MEDAG: variants seen among roughly 807,000 people sequenced by gnomAD.
MEDAG encodes mesenteric estrogen dependent adipogenesis.
MEDAG carries 25 observed loss-of-function variants against 29.9 expected under a neutral mutation model. That is an observed-to-expected ratio of 0.84 (90% CI 0.61 to 1.17). MEDAG has a LOEUF of 1.17. MEDAG is among the 50% of genes most tolerant of loss of function. The probability of loss-of-function intolerance (pLI) is 0.00; values close to 1 mark genes in which losing one functional copy is unlikely to be tolerated. For synonymous variants in MEDAG, 158 were observed against 148.2 expected (o/e 1.07, Z -0.48); for missense variants, 398 against 372.9 (o/e 1.07, Z -0.56).
chr13:30,906,825 C>A, intron 1 of MEDAG, 32 bp downstream of exon 1: 1 of 1,428,796 alleles, frequency 7.0e-7, no homozygotes, highest in South Asian at 1.5e-5. Flanking sequence ...CCTGGCCCGT[C>A]GCCTGGTACC....
intron 1 of MEDAG, among the ~76,000 whole-genome samples, chr13:30,909,824 G>GT (rs1952864796): frequency 6.6e-6 from 1 of 152,110 alleles, no homozygotes; most frequent in Non-Finnish European, 1.5e-5. Flanking sequence ...TGACTTTCAG[G>GT]TTATTCACTC....
At chr13:30,914,364 C>A (rs1470456779) in intron 1 of MEDAG, among the ~76,000 whole-genome samples, 1 of 152,178 alleles carries the variant, frequency 6.6e-6, no homozygotes, top group Non-Finnish European at 1.5e-5. Context: ...AATCTCTTGT[C>A]TGTAAGTTCT....
intron 2 of MEDAG, among the ~76,000 whole-genome samples, chr13:30,920,646 A>C (rs1357658916): frequency 2.0e-5 from 3 of 152,076 alleles, no homozygotes; most frequent in African/African-American, 7.2e-5. Context: ...AAAACCAGCT[A>C]TCTCGATCTT....
At chr13:30,913,363 G>A (rs1269324460) in intron 1 of MEDAG, among the ~76,000 whole-genome samples, 1 of 152,092 alleles carries the variant, frequency 6.6e-6, no homozygotes, top group Non-Finnish European at 1.5e-5. Flanking sequence ...GTATAGGCAT[G>A]CACCACCACA....
At chr13:30,909,320 A>T (rs1952860498) in intron 1 of MEDAG, among the ~76,000 whole-genome samples, 2 of 151,996 alleles carry the variant, frequency 1.3e-5, no homozygotes. Flanking sequence ...GACCGGTTTC[A>T]CTTTGCCTTG....
intron 1 of MEDAG, among the ~76,000 whole-genome samples, chr13:30,912,449 C>G (rs1952890536): frequency 6.6e-6 from 1 of 152,082 alleles, no homozygotes; most frequent in Non-Finnish European, 1.5e-5. Flanking sequence ...CCTACACAGA[C>G]TATTGCACTG....
intron 1 of MEDAG, among the ~76,000 whole-genome samples, chr13:30,909,779 C>G (rs1194990202): frequency 6.6e-6 from 1 of 152,116 alleles, no homozygotes; most frequent in African/African-American, 2.4e-5. Flanking sequence ...AGGCCCTTTT[C>G]CAAGGAACCC....
Position 30,924,313 on chromosome 13 carries a change from T to G in MEDAG, c.790T>G (p.Ser264Ala). The change falls in exon 5 of 5, where the codon TCA (serine) becomes GCA (alanine). Residue 264 changes from serine (S) to alanine (A), a missense_variant and splice_region_variant. Ser to Ala is a moderately conservative substitution (Grantham distance 99). Coordinates refer to ENST00000380482, the MANE Select transcript of MEDAG (RefSeq NM_032849.4). Reference protein sequence around the residue: ...DRKFSVTSRGSIDDVFNCNLS... With the variant: ...DRKFSVTSRGAIDDVFNCNLS... ...ATGCTTTGTTTACTGTTTTTTAGGT[T>G]CAATAGATGATGTTTTTAACTGCAA... 1 of 1,613,254 alleles carries G rather than the reference T, an allele frequency of 6.2e-7. No individual in the cohort carries two copies. Among genetic ancestry groups the G allele is most frequent in the South Asian group, 1.1e-5 (1 of 90,790 alleles).
chr13:30,913,523 A>T (rs1429834189), intron 1 of MEDAG, among the ~76,000 whole-genome samples: 2 of 152,092 alleles, frequency 1.3e-5, no homozygotes, highest in East Asian at 3.9e-4. Flanking sequence ...GTGAGCCACC[A>T]CGCCCGGCTT....
chr13:30,918,876 C>T (rs1052752376), intron 2 of MEDAG, among the ~76,000 whole-genome samples: 3 of 152,132 alleles, frequency 2.0e-5, no homozygotes, highest in East Asian at 1.9e-4. Flanking sequence ...CTGAAGCCCA[C>T]GTGTTCTTTG....
At chr13:30,913,172 T>G (rs1952897013) in intron 1 of MEDAG, among the ~76,000 whole-genome samples, 1 of 152,204 alleles carries the variant, frequency 6.6e-6, no homozygotes, top group Admixed American at 6.5e-5. Flanking sequence ...GTGTTTCCCA[T>G]TACATTGTCC....
In MEDAG at chr13:30,915,264, C is replaced by G. The variant is rs185553589; in HGVS notation, c.279-2139C>G. 2.1e-3 allele frequency among the ~76,000 whole-genome samples: 315 copies of G among 152,218 alleles called. 4 individuals are homozygous for G. The highest frequency in any genetic ancestry group is 7.3e-3 in the African/African-American group (305 of 41,534). ...GATTTCAGCAACTATGATAAATATT[C>G]AATATGTAGAAGCAATATTTGCATA... On this transcript the variant is annotated intron_variant, in intron 1 of 4. Transcript: ENST00000380482.
At position 30,906,758 on chromosome 13, in the gene MEDAG, C is replaced by T; in HGVS notation, c.243C>T (p.Asp81=). The part of the protein sequence containing the change: ...NVFGDGLVRL[D]GQLYRLSSYI... The stretch of plus-strand genomic sequence containing the variant: ...TCGGTGACGGCCTCGTGCGCCTCGA[C>T]GGGCAGCTCTACCGCCTCAGCAGCT... Residue 81 remains aspartate (D), a synonymous_variant, in exon 1 of 5, where the codon GAC becomes GAT. Coordinates refer to ENST00000380482, the MANE Select transcript of MEDAG (RefSeq NM_032849.4). The T allele has an allele frequency of 6.6e-7, 1 of 1,509,930 alleles. No homozygotes were observed. The highest frequency in any genetic ancestry group is 8.8e-7 in the Non-Finnish European group (1 of 1,139,034). 93.5% of individuals were successfully genotyped at this position (1,509,930 alleles called of 1,614,324 possible). A position where few individuals can be genotyped will look rare whatever the true frequency, so the allele number is the denominator to read the frequency against.
chr13:30,907,355 G>A (rs767868007), intron 1 of MEDAG, among the ~76,000 whole-genome samples: 5 of 152,250 alleles, frequency 3.3e-5, no homozygotes, highest in Non-Finnish European at 7.3e-5. Flanking sequence ...AACCGCAGCT[G>A]AGAAGGGAAC....
At chr13:30,918,701 A>G (rs1952953535) in intron 2 of MEDAG, among the ~76,000 whole-genome samples, 1 of 152,250 alleles carries the variant, frequency 6.6e-6, no homozygotes, top group South Asian at 2.1e-4. Context: ...GTCCAAGGAA[A>G]TAAGAAATGA....
chr13:30,911,137 G>T (rs1357086763), intron 1 of MEDAG, among the ~76,000 whole-genome samples: 1 of 152,216 alleles, frequency 6.6e-6, no homozygotes, highest in East Asian at 1.9e-4. Flanking sequence ...CAACTATAAA[G>T]TGGGAATAGT....
chr13:30,921,967 C>T (rs1244475201), intron 4 of MEDAG, 121 bp downstream of exon 4: 18 of 1,094,188 alleles, frequency 1.6e-5, no homozygotes, highest in Non-Finnish European at 2.0e-5. Context: ...AAATAGATCA[C>T]AAAATTCAGA....
chr13:30,906,307 G>A lies in MEDAG; in HGVS notation c.-209G>A, dbSNP rs368449032. 2 of 424,004 alleles carry A rather than the reference G, an allele frequency of 4.7e-6. No individual in the cohort carries two copies. Among genetic ancestry groups the A allele is most frequent in the South Asian group, 1.8e-4 (2 of 11,328 alleles). The allele number at this position is 424,004 out of a possible 1,614,324, so 26.3% of individuals were successfully genotyped here. On this transcript the variant is annotated 5_prime_UTR_variant, in exon 1 of 5. It adds an upstream start codon to the 5' untranslated region. Coordinates refer to ENST00000380482, the MANE Select transcript of MEDAG (RefSeq NM_032849.4). ...GCGGTGCCTGCAGGGCTCCCAGCGA[G>A]TGGCAGCTTGGGAGGGGCCGCCCGG... is the stretch of plus-strand genomic sequence containing the variant.
chr13:30,917,316 C>T (rs1952938425), intron 1 of MEDAG, 87 bp from the exon 2 acceptor site: 1 of 805,762 alleles, frequency 1.2e-6, no homozygotes, highest in East Asian at 2.5e-5. Flanking sequence ...AGGTCTGTGG[C>T]TGTGGCAGAT....
Sources: gnomAD v4.1 joint callset for allele counts (sites outside exome capture counted in the v4.1 genomes callset) on GRCh38, gnomAD v4.1.1 for gene constraint, MANE v1.5 for transcripts, NCBI Gene and HGNC (gene_info 2026-07-23, HGNC 2026-07-21) for gene names.